Variants in ST8SIA6 observed in about 807,000 individuals in gnomAD.
ST8SIA6 encodes the protein alpha-2,8-sialyltransferase 8F.
A neutral mutation model predicts 33.6 loss-of-function variants in ST8SIA6; 39 were observed. The ratio of observed to expected loss-of-function variants is 1.16; its 90% CI spans 0.90 to 1.52. ST8SIA6 has a LOEUF of 1.52. ST8SIA6 is among the 40% of genes most tolerant of loss of function. The pLI is 0.00. For synonymous variants in ST8SIA6, 172 were observed against 167.2 expected (o/e 1.03, Z -0.22); for missense variants, 441 against 443.8 (o/e 0.99, Z 0.06).
intron 4 of ST8SIA6, among the ~76,000 whole-genome samples, chr10:17,336,015 G>A (rs1380840455): frequency 1.3e-5 from 2 of 151,696 alleles, no homozygotes; most frequent in East Asian, 3.9e-4. Flanking sequence ...GAGTGCAGTG[G>A]TGGGATCTTG....
intron 4 of ST8SIA6, among the ~76,000 whole-genome samples, chr10:17,333,717 A>ATATATAGATTT (rs1251981910): frequency 3.0e-5 from 1 of 33,754 alleles, no homozygotes; most frequent in African/African-American, 1.7e-4. Flanking sequence ...ATATATATAT[A>ATATATAGATTT]TTTTTTTTTT....
Position 17,323,113 on chromosome 10 carries a change from C to T in ST8SIA6, c.680G>A (p.Gly227Asp), listed in dbSNP as rs1394125924. ...TATAGTCACAAGATTTGTTTTACTG[C>T]CAACATCTTTACTAACATCTCCTGT... Reference protein sequence around the residue: ...PTTGDVSKDVGSKTNLVTINP... With the variant: ...PTTGDVSKDVDSKTNLVTINP... Residue 227 changes from glycine to aspartate, a missense_variant, in exon 7 of 8, where the codon GGC (glycine) becomes GAC (aspartate). By Grantham distance (94) the Gly-to-Asp change is moderately conservative (BLOSUM62 -1). Coordinates refer to ENST00000377602, the MANE Select transcript of ST8SIA6 (RefSeq NM_001004470.3). 1.9e-6 allele frequency: 3 copies of T among 1,613,614 alleles called. No individual in the cohort carries two copies. The South Asian group carries it at 3.3e-5, about 18-fold the overall frequency.
intron 3 of ST8SIA6, among the ~76,000 whole-genome samples, chr10:17,379,006 G>A (rs1048086221): frequency 1.3e-5 from 2 of 151,962 alleles, no homozygotes; most frequent in South Asian, 2.1e-4. Flanking sequence ...GGCGCCTGTA[G>A]TCCCAGCTAC....
intron 4 of ST8SIA6, among the ~76,000 whole-genome samples, chr10:17,347,466 G>A (rs547762926): frequency 1.3e-5 from 2 of 151,962 alleles, no homozygotes; most frequent in Non-Finnish European, 2.9e-5. Context: ...TGAAGGTGGT[G>A]ACCTGTTGTG....
At chr10:17,332,675 G>T (rs776164731) in intron 4 of ST8SIA6, among the ~76,000 whole-genome samples, 2 of 152,018 alleles carry the variant, frequency 1.3e-5, no homozygotes, top group African/African-American at 4.8e-5. Context: ...GGCCAGGCTG[G>T]TCTCGAACTC....
intron 2 of ST8SIA6, among the ~76,000 whole-genome samples, chr10:17,432,667 T>C (rs1325645457): frequency 6.6e-6 from 1 of 152,198 alleles, no homozygotes; most frequent in Non-Finnish European, 1.5e-5. Flanking sequence ...AGGAAACAGA[T>C]GAGTGAGACC....
chr10:17,361,712 G>GAAA lies in ST8SIA6; in HGVS notation c.291-2115_291-2113dup, dbSNP rs34189796. Among the ~76,000 whole-genome samples, 826 of 123,570 alleles carry GAAA rather than the reference G, an allele frequency of 6.7e-3. 24 individuals carry two copies. In the East Asian group the frequency reaches 0.091, roughly 14 times the overall value. 81.1% of individuals were successfully genotyped at this position (123,570 alleles called of 152,430 possible). ...TACAAAAATAAGGAAAAGACATTGG[G>GAAA]AAAAAAAAAAAAAAACCGGGCAGGC... On this transcript the variant is annotated intron_variant, in intron 3 of 7. Transcript: ENST00000377602.
intron 2 of ST8SIA6, among the ~76,000 whole-genome samples, chr10:17,452,386 G>A (rs375964178): frequency 2.0e-5 from 3 of 152,152 alleles, no homozygotes; most frequent in South Asian, 4.1e-4. Context: ...AGAAGCATAC[G>A]CAGAAGAAAA....
At chr10:17,451,458 T>A (rs1439915355) in intron 2 of ST8SIA6, among the ~76,000 whole-genome samples, 2 of 152,190 alleles carry the variant, frequency 1.3e-5, no homozygotes, top group Non-Finnish European at 2.9e-5. Context: ...AAATTATCCA[T>A]TGGGTACAAT....
At chr10:17,366,549 A>G (rs1849565248) in intron 3 of ST8SIA6, among the ~76,000 whole-genome samples, 1 of 152,110 alleles carries the variant, frequency 6.6e-6, no homozygotes, top group Admixed American at 6.5e-5. Context: ...GTGAGCAGTG[A>G]CTAACCTCAG....
chr10:17,408,310 A>G (rs532133118), intron 2 of ST8SIA6: 1 of 152,750 alleles, frequency 6.5e-6, no homozygotes, highest in East Asian at 1.9e-4. Flanking sequence ...TTAGCTATGC[A>G]ATCACCATCA....
chr10:17,436,701 CTCA>C (rs1378877742), intron 2 of ST8SIA6, among the ~76,000 whole-genome samples: 1 of 151,892 alleles, frequency 6.6e-6, no homozygotes, highest in Non-Finnish European at 1.5e-5. Flanking sequence ...AGGACATGAA[CTCA>C]TCATTTTTTA....
chr10:17,348,735 T>C (rs1341615841), intron 4 of ST8SIA6, among the ~76,000 whole-genome samples: 5 of 152,346 alleles, frequency 3.3e-5, no homozygotes, highest in African/African-American at 1.2e-4. Context: ...ACTCAGCTTC[T>C]GTTTTTGCCT....
chr10:17,350,550 C>T (rs1426417139), intron 4 of ST8SIA6, among the ~76,000 whole-genome samples: 1 of 152,002 alleles, frequency 6.6e-6, no homozygotes. Context: ...CAAAAATGAT[C>T]TAAGAAATCC....
intron 3 of ST8SIA6, among the ~76,000 whole-genome samples, chr10:17,376,899 T>C (rs1453987502): frequency 6.6e-6 from 1 of 152,158 alleles, no homozygotes; most frequent in Non-Finnish European, 1.5e-5. Flanking sequence ...GAAGTTAAAA[T>C]AGGTTTCAAA....
chr10:17,368,328 AC>A (rs1849623240), intron 3 of ST8SIA6, among the ~76,000 whole-genome samples: 1 of 137,060 alleles, frequency 7.3e-6, no homozygotes. Context: ...AATTGCTTGA[AC>A]CTGGGAGGCA....
intron 4 of ST8SIA6, among the ~76,000 whole-genome samples, chr10:17,339,573 A>G (rs359310): frequency 0.58 from 88,873 of 152,064 alleles, 26,944 homozygotes; most frequent in African/African-American, 0.75. Flanking sequence ...AATATAACAT[A>G]CATAGGCCAA....
chr10:17,341,711 C>T (rs932165557), intron 4 of ST8SIA6, among the ~76,000 whole-genome samples: 4 of 151,610 alleles, frequency 2.6e-5, no homozygotes, highest in Non-Finnish European at 5.9e-5. Context: ...CCAGCCTGGC[C>T]AACATGGTGA....
At chr10:17,430,206 C>A (rs1383009725) in intron 2 of ST8SIA6, among the ~76,000 whole-genome samples, 1 of 152,194 alleles carries the variant, frequency 6.6e-6, no homozygotes, top group Non-Finnish European at 1.5e-5. Context: ...CCAGCTCCAT[C>A]CAGGTTGCTG....
Sources: allele counts gnomAD v4.1 joint callset (sites outside exome capture counted in the v4.1 genomes callset), GRCh38; gene constraint gnomAD v4.1.1; transcripts MANE v1.5; gene names NCBI Gene and HGNC (gene_info 2026-07-23, HGNC 2026-07-21).